PHACTR1: variants seen among roughly 807,000 people sequenced by gnomAD.
PHACTR1 encodes the protein phosphatase and actin regulator 1.
Under a neutral mutation model 69.2 loss-of-function variants are expected in PHACTR1, and 16 were observed. The ratio of observed to expected loss-of-function variants is 0.23; its 90% CI spans 0.16 to 0.35. PHACTR1 has a LOEUF of 0.35. PHACTR1 is among the 10% of genes least tolerant of loss of function. PHACTR1 has a pLI of 1.00. For missense variants in PHACTR1, 510 were observed against 734.7 expected, an observed-to-expected ratio of 0.69 and a Z score of 3.54; for synonymous variants, 312 against 284.5, an observed-to-expected ratio of 1.10 and a Z score of -0.97.
In PHACTR1 at chr6:13,228,082, A is replaced by G. The variant is rs1770111334; in HGVS notation, c.1234+19A>G. On this transcript the variant is annotated intron_variant, in intron 9 of 14. Coordinates refer to ENST00000332995, the MANE Select transcript of PHACTR1 (RefSeq NM_030948.6). The stretch of plus-strand genomic sequence containing the variant: ...TACACCAGTGCGTTCATCTTAACTC[A>G]TCACCAGGGGTGGGGAAGCATGCTA... 1 of 1,599,376 alleles carries G rather than the reference A, an allele frequency of 6.3e-7. No homozygotes were observed. Among genetic ancestry groups the G allele is most frequent in the Admixed American group, 1.7e-5 (1 of 59,378 alleles).
chr6:13,139,239 C>A lies in PHACTR1; in HGVS notation c.416-20965C>A, dbSNP rs1324386774. Among the ~76,000 whole-genome samples, 6 of 152,052 alleles carry A rather than the reference C, an allele frequency of 3.9e-5. No homozygotes were observed. The East Asian group carries it at 1.2e-3, about 29-fold the overall frequency. On this transcript the variant is annotated intron_variant, in intron 5 of 14. Coordinates refer to ENST00000332995, the MANE Select transcript of PHACTR1 (RefSeq NM_030948.6). ...GGGTTAACAAACTATGACCCATAGG[C>A]CAAATCCATCCCACTGCATATTTTT...
intron 5 of PHACTR1, among the ~76,000 whole-genome samples, chr6:13,076,027 CTT>C (rs398000515): frequency 2.0e-5 from 2 of 101,400 alleles, no homozygotes; most frequent in Non-Finnish European, 4.7e-5. Flanking sequence ...AAGGGAGCAT[CTT>C]TTTTTTTTTT....
At chr6:12,754,087 C>T (rs552108251) in intron 4 of PHACTR1, among the ~76,000 whole-genome samples, 2 of 149,320 alleles carry the variant, frequency 1.3e-5, no homozygotes, top group East Asian at 1.9e-4. Context: ...CTCAGCCTCC[C>T]GAGTAGCTGG....
intron 7 of PHACTR1, among the ~76,000 whole-genome samples, chr6:13,187,264 G>T (rs1762943151): frequency 6.6e-6 from 1 of 152,220 alleles, no homozygotes. Flanking sequence ...TATACGTAGA[G>T]AGAGAGTACT....
chr6:13,045,542 C>G lies in PHACTR1; in HGVS notation c.251-7823C>G, dbSNP rs550688355. On this transcript the variant is annotated intron_variant, in intron 4 of 14. Transcript: ENST00000332995. ...ATACAGTGGCCTACGATTCCAAAAC[C>G]AGTAGAGCCACCCTCTTGCTTTCTT... is the stretch of plus-strand genomic sequence containing the variant. Among the ~76,000 whole-genome samples the G allele has an allele frequency of 2.6e-5, 4 of 152,334 alleles. No homozygotes were observed. In the South Asian group the frequency reaches 6.2e-4, roughly 24 times the overall value.
chr6:12,871,249 A>AT (rs1254306413), intron 4 of PHACTR1, among the ~76,000 whole-genome samples: 1 of 152,236 alleles, frequency 6.6e-6, no homozygotes, highest in Non-Finnish European at 1.5e-5. Context: ...ACTTTGGGAC[A>AT]TAAGTATGGA....
At chr6:12,840,898 A>G (rs144607599) in intron 4 of PHACTR1, among the ~76,000 whole-genome samples, 257 of 152,356 alleles carry the variant, frequency 1.7e-3, no homozygotes, top group Middle Eastern at 0.014. Flanking sequence ...TGATAAGGAC[A>G]TACTGCTACA....
chr6:12,893,754 C>T (rs1784377360), intron 4 of PHACTR1, among the ~76,000 whole-genome samples: 1 of 152,210 alleles, frequency 6.6e-6, no homozygotes, highest in African/African-American at 2.4e-5. Flanking sequence ...TGCTACTTCT[C>T]CCTCAGGGAC....
chr6:12,845,422 A>ACCCCCCCCCCCCC (rs879435671), intron 4 of PHACTR1, among the ~76,000 whole-genome samples: 2 of 12,798 alleles, frequency 1.6e-4, no homozygotes, highest in Non-Finnish European at 1.5e-4. Context: ...CATTGTGAAC[A>ACCCCCCCCCCCCC]CCACCCACCC....
intron 7 of PHACTR1, among the ~76,000 whole-genome samples, chr6:13,199,094 T>G (rs546879259): frequency 1.3e-5 from 2 of 152,200 alleles, no homozygotes; most frequent in South Asian, 4.2e-4. Flanking sequence ...AACACTACTT[T>G]AAGAAGTTAG....
chr6:13,195,862 C>T (rs1038929506), intron 7 of PHACTR1, among the ~76,000 whole-genome samples: 4 of 151,156 alleles, frequency 2.6e-5, no homozygotes, highest in Admixed American at 6.6e-5. Context: ...TACAGCCATA[C>T]GGCACAAGGA....
intron 4 of PHACTR1, among the ~76,000 whole-genome samples, chr6:12,832,533 G>GT (rs1190588213): frequency 3.3e-5 from 5 of 151,658 alleles, no homozygotes; most frequent in Non-Finnish European, 5.9e-5. Flanking sequence ...GCACTTTGGG[G>GT]TTTTTTTTCA....
At position 13,240,039 on chromosome 6, in the gene PHACTR1, C is replaced by G. The variant is rs566448418; in HGVS notation, c.1391+9846C>G. On this transcript the variant is annotated intron_variant, in intron 10 of 14. Coordinates refer to ENST00000332995, the MANE Select transcript of PHACTR1 (RefSeq NM_030948.6). ...CAATCGATCTTAGTGTTTAAACTTG[C>G]AAAGTTTCTTTAAAAAAAAAAAAAA... Among the ~76,000 whole-genome samples, 62 of 147,090 alleles carry G rather than the reference C, an allele frequency of 4.2e-4. No individual in the cohort carries two copies. In the South Asian group the frequency reaches 0.013, roughly 31 times the overall value.
At chr6:13,244,552 C>T (rs977112473) in intron 10 of PHACTR1, among the ~76,000 whole-genome samples, 1 of 152,208 alleles carries the variant, frequency 6.6e-6, no homozygotes, top group African/African-American at 2.4e-5. Flanking sequence ...GTTCAGAGAC[C>T]TAACCCTAGC....
At chr6:13,257,235 G>T (rs974268946) in intron 10 of PHACTR1, among the ~76,000 whole-genome samples, 4 of 152,206 alleles carry the variant, frequency 2.6e-5, no homozygotes, top group Admixed American at 2.6e-4. Flanking sequence ...GATCTCATGA[G>T]AACTCATTCA....
At chr6:13,084,885 A>G (rs1484987339) in intron 5 of PHACTR1, among the ~76,000 whole-genome samples, 2 of 152,144 alleles carry the variant, frequency 1.3e-5, no homozygotes, top group Non-Finnish European at 2.9e-5. Flanking sequence ...TGTAACTTAA[A>G]CCAGTGAAGA....
intron 4 of PHACTR1, among the ~76,000 whole-genome samples, chr6:12,828,256 A>G (rs1777021992): frequency 6.6e-6 from 1 of 152,306 alleles, no homozygotes; most frequent in Admixed American, 6.5e-5. Flanking sequence ...CTAATTATGA[A>G]TTGTCACTGA....
intron 3 of PHACTR1, among the ~76,000 whole-genome samples, chr6:12,721,834 G>A (rs979735583): frequency 2.0e-5 from 3 of 152,216 alleles, no homozygotes; most frequent in Non-Finnish European, 1.5e-5. Flanking sequence ...AACAGTGAAT[G>A]GGTGAAGGCC....
intron 6 of PHACTR1, among the ~76,000 whole-genome samples, chr6:13,170,425 G>A (rs1760428497): frequency 6.6e-6 from 1 of 152,118 alleles, no homozygotes; most frequent in Non-Finnish European, 1.5e-5. Context: ...GGGTACGTGG[G>A]GCATAGTGGG....
Sources: allele counts gnomAD v4.1 joint callset (sites outside exome capture counted in the v4.1 genomes callset), GRCh38; gene constraint gnomAD v4.1.1; transcripts MANE v1.5; gene names NCBI Gene and HGNC (gene_info 2026-07-23, HGNC 2026-07-21).